The following ZNF41 variants were observed in gnomAD, a reference collection of about 807,000 sequenced individuals.
ZNF41 encodes zinc finger protein 41.
Under a neutral mutation model 9.3 loss-of-function variants are expected in ZNF41, and 6 were observed. That is an observed-to-expected ratio of 0.65 (90% confidence interval 0.35 to 1.28). The LOEUF (loss-of-function observed/expected upper bound fraction) is 1.28. Ranked by LOEUF, ZNF41 falls within the 50% of genes most tolerant of loss-of-function variation. ZNF41 has a pLI of 0.03. For missense variants in ZNF41, 523 were observed against 585.8 expected, an observed-to-expected ratio of 0.89 and a Z score of 1.11; for synonymous variants, 192 against 207.1, an observed-to-expected ratio of 0.93 and a Z score of 0.63.
chrX:47,462,563 T>C (rs940469247), intron 2 of ZNF41, among the ~76,000 whole-genome samples: 2 of 110,902 alleles, frequency 1.8e-5, no homozygotes, highest in Non-Finnish European at 3.8e-5. Context: ...TGTGGCACCA[T>C]TCTGATTGTG....
chrX:47,467,322 A>C, intron 2 of ZNF41, 88 bp downstream of exon 2: 1 of 1,166,443 alleles, frequency 8.6e-7, no homozygotes, highest in African/African-American at 1.8e-5. Flanking sequence ...CCTCTGACTC[A>C]CCTGCTTCTG....
In ZNF41 at chrX:47,448,038, G is replaced by A. The variant is rs201790068; in HGVS notation, c.1732C>T (p.His578Tyr). Residue 578 changes from histidine to tyrosine, a missense_variant, in exon 5 of 5, where the codon CAC becomes TAC. Physicochemically the swap from His to Tyr is moderately conservative, Grantham distance 83. Coordinates refer to ENST00000684689, the MANE Select transcript of ZNF41 (RefSeq NM_001324144.2). ...TTCCCGCAGTCCTTGCATTCATAGT[G>A]TCTCTCTCCAATATGAGATTTCTGA... ...IHQKSHIGER[H>Y]YECKDCGKAF... 1.4e-5 allele frequency: 17 copies of A among 1,210,046 alleles called. No homozygotes were observed. The African/African-American group carries it at 2.1e-4, about 15-fold the overall frequency.
chrX:47,455,289 TA>T (rs35534485), intron 4 of ZNF41, among the ~76,000 whole-genome samples: 4,430 of 80,231 alleles, frequency 0.055, 309 homozygotes, highest in African/African-American at 0.19. Context: ...AAATTAAAAT[TA>T]AAAAAAAAAA....
intron 4 of ZNF41, 96 bp from the exon 5 acceptor site, chrX:47,449,570 G>GGAA: frequency 8.2e-6 from 8 of 973,717 alleles, no homozygotes; most frequent in Non-Finnish European, 1.1e-5. Context: ...ACAGATAAAT[G>GGAA]GAAGAGCCCA....
intron 2 of ZNF41, among the ~76,000 whole-genome samples, chrX:47,464,176 C>T (rs898179503): frequency 3.6e-5 from 4 of 111,637 alleles, no homozygotes; most frequent in African/African-American, 1.3e-4. Flanking sequence ...TAACCCTCGG[C>T]TCTTCCCTGC....
chrX:47,462,929 A>T (rs1252738170), intron 2 of ZNF41, among the ~76,000 whole-genome samples: 1 of 77,180 alleles, frequency 1.3e-5, no homozygotes, highest in Non-Finnish European at 2.6e-5. Context: ...TATATATATC[A>T]CACACATATA....
At chrX:47,455,332 C>T (rs1289007294) in intron 4 of ZNF41, among the ~76,000 whole-genome samples, 1 of 107,879 alleles carries the variant, frequency 9.3e-6, no homozygotes, top group East Asian at 2.9e-4. Flanking sequence ...GACCTGTAAT[C>T]CCAGCACTCT....
At chrX:47,482,606 CGCGTGCGCGTGT>C (rs1263881828) in intron 1 of ZNF41, 2 of 112,875 alleles carry the variant, frequency 1.8e-5, no homozygotes, top group African/African-American at 6.4e-5. Context: ...TGCGTGCGTG[CGCGTGCGCGTGT>C]GCGTCGAAGG....
At position 47,448,719 on chromosome X, in the gene ZNF41, C is replaced by T. The variant is rs191255462; in HGVS notation, c.1051G>A (p.Gly351Arg). ...NLITHQKIHT[G>R]QKPYKCSECG... ...TCACTGCATTTGTAGGGTTTCTGCC[C>T]GGTATGAATTTTTTGATGTGTAATG... Residue 351 changes from glycine (G) to arginine (R), a missense_variant, in exon 5 of 5, where the codon GGG becomes AGG. Physicochemically the swap from Gly to Arg is moderately radical, Grantham distance 125. Transcript: ENST00000684689. 8.2e-5 allele frequency: 99 copies of T among 1,209,705 alleles called. No homozygotes were observed. The Middle Eastern group carries it at 9.2e-4, about 11-fold the overall frequency.
intron 2 of ZNF41, among the ~76,000 whole-genome samples, chrX:47,466,474 T>C (rs2056989346): frequency 9.0e-6 from 1 of 111,008 alleles, no homozygotes; most frequent in Non-Finnish European, 1.9e-5. Flanking sequence ...AGTCTAGTGT[T>C]GTCACCGCCA....
intron 1 of ZNF41, among the ~76,000 whole-genome samples, chrX:47,472,411 A>G (rs7885650): frequency 0.28 from 28,228 of 101,240 alleles, 3,236 homozygotes; most frequent in South Asian, 0.42. Flanking sequence ...ATGCCATATG[A>G]TTATGTTTAA....
chrX:47,478,783 G>A (rs749403917), intron 1 of ZNF41, among the ~76,000 whole-genome samples: 1 of 108,968 alleles, frequency 9.2e-6, no homozygotes, highest in South Asian at 4.1e-4. Context: ...AAATACAAAA[G>A]CTAGCCGGGC....
chrX:47,473,818 A>T (rs2057260188), intron 1 of ZNF41, among the ~76,000 whole-genome samples: 1 of 112,224 alleles, frequency 8.9e-6, no homozygotes, highest in Non-Finnish European at 1.9e-5. Flanking sequence ...ACATATTGCC[A>T]GCAGGAATGT....
At chrX:47,479,267 G>A (rs565945962) in intron 1 of ZNF41, among the ~76,000 whole-genome samples, 1 of 111,749 alleles carries the variant, frequency 8.9e-6, no homozygotes, top group Middle Eastern at 4.6e-3. Context: ...TAAGTGCCAA[G>A]CAGGGTTGCA....
intron 2 of ZNF41, among the ~76,000 whole-genome samples, chrX:47,462,974 TAC>T (rs756873063): frequency 3.0e-4 from 30 of 100,777 alleles, no homozygotes; most frequent in South Asian, 1.4e-3. Context: ...CACATATGTG[TAC>T]ACACACACAC....
At chrX:47,456,461 T>C (rs781273974) in intron 2 of ZNF41, 63 bp from the exon 3 acceptor site, 12 of 1,202,605 alleles carry the variant, frequency 1.0e-5, no homozygotes, top group Middle Eastern at 4.6e-4. Flanking sequence ...AGAAGGTAGA[T>C]AGCAAGTTGT....
intron 2 of ZNF41, among the ~76,000 whole-genome samples, chrX:47,458,938 AAT>A (rs2056676168): frequency 9.0e-6 from 1 of 110,841 alleles, no homozygotes; most frequent in Non-Finnish European, 1.9e-5. Flanking sequence ...GACACTCTTG[AAT>A]AGTTAAAGCA....
chrX:47,483,213 T>G lies in ZNF41; in HGVS notation c.-398A>C, dbSNP rs1273606400. On this transcript the variant is annotated 5_prime_UTR_variant, in exon 1 of 5. Coordinates refer to ENST00000684689, the MANE Select transcript of ZNF41 (RefSeq NM_001324144.2). Reference sequence around the variant, plus strand: ...CGCGGGGGGAGTCGTGCGTGTCAGATTTAGGCCAGGAAGCGGAAGTCGCCA... The same window carrying G: ...CGCGGGGGGAGTCGTGCGTGTCAGAGTTAGGCCAGGAAGCGGAAGTCGCCA... 2.7e-5 allele frequency among the ~76,000 whole-genome samples: 3 copies of G among 111,011 alleles called. No individual in the cohort carries two copies. The highest frequency in any genetic ancestry group is 5.7e-5 in the Non-Finnish European group (3 of 52,834).
Position 47,445,550 on chromosome X carries a change from C to T in ZNF41, c.*1880G>A, listed in dbSNP as rs1569267251. 1.8e-5 allele frequency among the ~76,000 whole-genome samples: 2 copies of T among 112,423 alleles called. No homozygotes were observed. The highest frequency in any genetic ancestry group is 2.8e-4 in the East Asian group (1 of 3,618). ...GGCAAGTATGTGGAGCACTAGAACT[C>T]GCATACTGGGTTGGTGGGAGTGTAC... is the stretch of plus-strand genomic sequence containing the variant. On this transcript the variant is annotated 3_prime_UTR_variant, in exon 5 of 5. Transcript: ENST00000684689.
Sources: gnomAD v4.1 joint callset for allele counts (sites outside exome capture counted in the v4.1 genomes callset) on GRCh38, gnomAD v4.1.1 for gene constraint, MANE v1.5 for transcripts, NCBI Gene and HGNC (gene_info 2026-07-23, HGNC 2026-07-21) for gene names.